AP3S1: variants seen among roughly 807,000 people sequenced by gnomAD.
AP3S1 encodes the protein AP-3 complex subunit sigma-1.
In AP3S1, 12 loss-of-function variants were observed where a neutral mutation model predicts 21.3. The observed-to-expected ratio is 0.56, with a 90% confidence interval of 0.36 to 0.91. AP3S1 has a LOEUF of 0.91. Ranked by LOEUF, AP3S1 falls within the 40% of genes least tolerant of loss-of-function variation. AP3S1 has a pLI of 0.01. For missense variants in AP3S1, 116 were observed against 225.0 expected, an observed-to-expected ratio of 0.52 and a Z score of 3.10; for synonymous variants, 48 against 78.4, an observed-to-expected ratio of 0.61 and a Z score of 2.05.
At chr5:115,851,973 G>A (rs944601499) in intron 1 of AP3S1, among the ~76,000 whole-genome samples, 1 of 151,080 alleles carries the variant, frequency 6.6e-6, no homozygotes, top group African/African-American at 2.5e-5. Context: ...TTTGAGTAAG[G>A]TTTTTTGATG....
intron 1 of AP3S1, among the ~76,000 whole-genome samples, chr5:115,844,119 G>T (rs1761880695): frequency 6.6e-6 from 1 of 152,202 alleles, no homozygotes; most frequent in East Asian, 1.9e-4. Flanking sequence ...AATAATTTAA[G>T]ATTATTTATT....
intron 3 of AP3S1, among the ~76,000 whole-genome samples, chr5:115,887,685 A>G (rs1272602707): frequency 6.6e-6 from 1 of 152,136 alleles, no homozygotes; most frequent in East Asian, 1.9e-4. Flanking sequence ...AGTTACCATT[A>G]TTATGCCCAG....
At chr5:115,906,683 G>C (rs1159569425) in intron 5 of AP3S1, 4 of 587,316 alleles carry the variant, frequency 6.8e-6, no homozygotes, top group African/African-American at 1.9e-5. Context: ...GGGGAGATCT[G>C]TTAGCTTTTA....
chr5:115,909,061 A>G (rs1456007600), intron 5 of AP3S1: 6 of 790,468 alleles, frequency 7.6e-6, no homozygotes, highest in African/African-American at 1.9e-5. Flanking sequence ...TGTTCCAACT[A>G]CCATCTTATT....
intron 4 of AP3S1, among the ~76,000 whole-genome samples, chr5:115,897,100 A>G (rs1750816057): frequency 6.6e-6 from 1 of 152,246 alleles, no homozygotes; most frequent in East Asian, 1.9e-4. Context: ...AGAGAGAAAA[A>G]TATGTGAAAA....
intron 1 of AP3S1, among the ~76,000 whole-genome samples, chr5:115,856,546 C>T (rs1449263650): frequency 6.6e-6 from 1 of 152,042 alleles, no homozygotes; most frequent in African/African-American, 2.4e-5. Context: ...GCCTCAACCT[C>T]CAGGGCTCAA....
chr5:115,909,573 T>C (rs1377513688), intron 5 of AP3S1, among the ~76,000 whole-genome samples: 2 of 152,206 alleles, frequency 1.3e-5, no homozygotes, highest in Admixed American at 6.5e-5. Flanking sequence ...CATATATTTG[T>C]TTTTATTGGT....
At chr5:115,881,137 C>A (rs1028016270) in intron 3 of AP3S1, among the ~76,000 whole-genome samples, 1 of 151,982 alleles carries the variant, frequency 6.6e-6, no homozygotes, top group Non-Finnish European at 1.5e-5. Context: ...ACTGATGGGT[C>A]TTGACCTTTT....
intron 1 of AP3S1, among the ~76,000 whole-genome samples, chr5:115,845,560 G>T (rs1761993177): frequency 6.6e-6 from 1 of 152,086 alleles, no homozygotes; most frequent in African/African-American, 2.4e-5. Flanking sequence ...TGGGCTGGGT[G>T]CCATGGCTCA....
chr5:115,897,685 G>C (rs1216903022), intron 4 of AP3S1, among the ~76,000 whole-genome samples: 1 of 151,494 alleles, frequency 6.6e-6, no homozygotes, highest in African/African-American at 2.4e-5. Context: ...TCAGCCTCCC[G>C]AGTAGCTGGG....
intron 5 of AP3S1, among the ~76,000 whole-genome samples, chr5:115,910,869 C>T (rs947550885): frequency 1.3e-5 from 2 of 152,074 alleles, no homozygotes; most frequent in African/African-American, 4.8e-5. Flanking sequence ...TTTAAATTTT[C>T]CTACCATTTA....
chr5:115,842,423 C>T, intron 1 of AP3S1: 1 of 252,684 alleles, frequency 4.0e-6, no homozygotes, highest in Non-Finnish European at 7.5e-6. Flanking sequence ...GCAGCCGCAG[C>T]CCAGCCGCGC....
chr5:115,910,182 T>C (rs763494971), intron 5 of AP3S1, among the ~76,000 whole-genome samples: 1 of 151,474 alleles, frequency 6.6e-6, no homozygotes, highest in African/African-American at 2.4e-5. Flanking sequence ...GGAAGATCAC[T>C]TGAGCCCAGG....
intron 1 of AP3S1, among the ~76,000 whole-genome samples, chr5:115,848,472 C>T (rs943301691): frequency 6.6e-6 from 1 of 152,166 alleles, no homozygotes; most frequent in African/African-American, 2.4e-5. Context: ...ATGGTAATAG[C>T]ACATTAATAA....
chr5:115,855,336 G>A (rs1229327878), intron 1 of AP3S1, among the ~76,000 whole-genome samples: 1 of 151,952 alleles, frequency 6.6e-6, no homozygotes, highest in East Asian at 1.9e-4. Context: ...ACCGTGCCTA[G>A]TCCTATTTTA....
At chr5:115,887,699 A>T (rs1455537102) in intron 3 of AP3S1, among the ~76,000 whole-genome samples, 1 of 152,134 alleles carries the variant, frequency 6.6e-6, no homozygotes, top group Non-Finnish European at 1.5e-5. Context: ...TGCCCAGATA[A>T]GAAACTGAGG....
chr5:115,879,981 A>G (rs1445859098), intron 3 of AP3S1, among the ~76,000 whole-genome samples: 1 of 152,104 alleles, frequency 6.6e-6, no homozygotes, highest in Non-Finnish European at 1.5e-5. Context: ...TAGATTTTCT[A>G]GTTTATTTGC....
chr5:115,876,773 C>A (rs1185126204), intron 3 of AP3S1, among the ~76,000 whole-genome samples: 2 of 152,050 alleles, frequency 1.3e-5, no homozygotes, highest in African/African-American at 2.4e-5. Context: ...TTGATATTCC[C>A]CAATTTGGGT....
intron 5 of AP3S1, among the ~76,000 whole-genome samples, chr5:115,912,709 A>G (rs1357742622): frequency 6.6e-6 from 1 of 152,054 alleles, no homozygotes. Flanking sequence ...TAATGCATCA[A>G]AGGGTTGGAA....
Sources: allele counts gnomAD v4.1 joint callset (sites outside exome capture counted in the v4.1 genomes callset), GRCh38; gene constraint gnomAD v4.1.1; transcripts MANE v1.5; gene names NCBI Gene and HGNC (gene_info 2026-07-23, HGNC 2026-07-21).